RGS10: variants seen among roughly 807,000 people sequenced by gnomAD.
The protein encoded by RGS10 is regulator of G-protein signalling 10.
RGS10 carries 11 observed loss-of-function variants against 23.5 expected under a neutral mutation model. The observed-to-expected ratio is 0.47, with a 90% confidence interval of 0.29 to 0.77. The LOEUF (loss-of-function observed/expected upper bound fraction) is 0.77. Ranked by LOEUF, RGS10 falls within the 30% of genes least tolerant of loss-of-function variation. RGS10 has a pLI of 0.08. For synonymous variants in RGS10, 77 were observed against 83.2 expected, an observed-to-expected ratio of 0.92 and a Z score of 0.41; for missense variants, 180 against 226.3, an observed-to-expected ratio of 0.80 and a Z score of 1.31.
intron 4 of RGS10, 185 bp downstream of exon 4, chr10:119,515,324 C>T: frequency 1.5e-6 from 1 of 670,256 alleles, no homozygotes; most frequent in Non-Finnish European, 2.5e-6. Flanking sequence ...TCCTGTGGGG[C>T]AAATCTCAAG....
intron 1 of RGS10, among the ~76,000 whole-genome samples, chr10:119,542,383 C>T (rs1166543277): frequency 1.3e-5 from 2 of 152,268 alleles, no homozygotes; most frequent in Non-Finnish European, 2.9e-5. Flanking sequence ...AAACTTCCTC[C>T]CCGGGGCTCC....
At chr10:119,529,075 G>A (rs1844307819) in intron 1 of RGS10, among the ~76,000 whole-genome samples, 1 of 152,124 alleles carries the variant, frequency 6.6e-6, no homozygotes, top group Non-Finnish European at 1.5e-5. Context: ...AACAATTAAA[G>A]CATGCTTCAT....
chr10:119,532,762 AC>A lies in RGS10; in HGVS notation c.50-5339del, dbSNP rs749567458. Among the ~76,000 whole-genome samples the A allele has an allele frequency of 2.9e-4, 44 of 152,062 alleles. 1 individual carries two copies. Among genetic ancestry groups the A allele is most frequent in the Admixed American group, 6.5e-4 (10 of 15,274 alleles). Reference sequence around the variant, plus strand: ...AGGCTGAGGCAGGAGAATTACTTGAACCCAGGAGGTGGAGGTTGCAGTGAGC... The same window carrying A: ...AGGCTGAGGCAGGAGAATTACTTGAACCAGGAGGTGGAGGTTGCAGTGAGC... On this transcript the variant is annotated intron_variant, in intron 1 of 4. Coordinates refer to ENST00000369103, the MANE Select transcript of RGS10 (RefSeq NM_001005339.2).
chr10:119,536,428 CT>C, intron 1 of RGS10: 1 of 1,606,002 alleles, frequency 6.2e-7, no homozygotes, highest in Non-Finnish European at 8.5e-7. Flanking sequence ...GACAGGCAAA[CT>C]GCGGACATGG....
chr10:119,503,650 G>A (rs954566105), intron 4 of RGS10, among the ~76,000 whole-genome samples: 33 of 152,192 alleles, frequency 2.2e-4, no homozygotes, highest in Non-Finnish European at 1.5e-4. Flanking sequence ...AGGAAGAAAC[G>A]AGGGGCTTAG....
At chr10:119,526,200 G>C in intron 2 of RGS10, 82 bp from the exon 3 acceptor site, 3 of 730,444 alleles carry the variant, frequency 4.1e-6, no homozygotes, top group Non-Finnish European at 6.5e-6. Context: ...TTCAAAGACT[G>C]ATTTGGCAAA....
chr10:119,529,400 G>A (rs554463137), intron 1 of RGS10, among the ~76,000 whole-genome samples: 2 of 152,296 alleles, frequency 1.3e-5, no homozygotes, highest in South Asian at 4.1e-4. Flanking sequence ...GTTGCAGTGA[G>A]CCAAGATCGT....
At position 119,515,564 on chromosome 10, in the gene RGS10, T is replaced by A. The variant is rs750013036; in HGVS notation, c.344A>T (p.Asn115Ile). ...QVNVEGQSRLNEKILEEPHPL... is the reference protein window; with the variant it reads ...QVNVEGQSRLIEKILEEPHPL... ...GTGCGGTTCTTCCAGGATCTTCTCG[T>A]TGAGCCGAGACTGCCCCTCCACGTT... is the stretch of plus-strand genomic sequence containing the variant. The change falls in exon 4 of 5, where the codon AAC (asparagine) becomes ATC (isoleucine). Residue 115 changes from asparagine to isoleucine, a missense_variant. By Grantham distance (149) the Asn-to-Ile change is moderately radical. Coordinates refer to ENST00000369103, the MANE Select transcript of RGS10 (RefSeq NM_001005339.2). 1 of 1,614,212 alleles carries A rather than the reference T, an allele frequency of 6.2e-7. No homozygotes were observed. The highest frequency in any genetic ancestry group is 1.3e-5 in the African/African-American group (1 of 75,058).
At chr10:119,526,559 T>C (rs1844275324) in intron 2 of RGS10, among the ~76,000 whole-genome samples, 1 of 152,180 alleles carries the variant, frequency 6.6e-6, no homozygotes, top group African/African-American at 2.4e-5. Context: ...TATGTGTGTT[T>C]TCTTATGGCC....
chr10:119,507,434 TCTTA>T (rs1400805782), intron 4 of RGS10, among the ~76,000 whole-genome samples: 1 of 152,034 alleles, frequency 6.6e-6, no homozygotes, highest in Non-Finnish European at 1.5e-5. Flanking sequence ...GGCCCACCCC[TCTTA>T]CTTACGTTGA....
chr10:119,525,737 A>G (rs1290104871), intron 3 of RGS10, among the ~76,000 whole-genome samples: 2 of 152,220 alleles, frequency 1.3e-5, no homozygotes, highest in African/African-American at 4.8e-5. Context: ...TGTGGGGAAA[A>G]CATCCTCATA....
At chr10:119,514,226 G>A (rs1844114183) in intron 4 of RGS10, among the ~76,000 whole-genome samples, 1 of 152,238 alleles carries the variant, frequency 6.6e-6, no homozygotes, top group East Asian at 1.9e-4. Flanking sequence ...GCGTGGTGGT[G>A]TAGGCCTGTA....
At chr10:119,504,087 A>T in intron 4 of RGS10, among the ~76,000 whole-genome samples, 1 of 152,264 alleles carries the variant, frequency 6.6e-6, no homozygotes, top group East Asian at 1.9e-4. Context: ...GGCTGCAAAG[A>T]GAGTAACATG....
intron 1 of RGS10, among the ~76,000 whole-genome samples, chr10:119,534,590 CA>C (rs561361616): frequency 0.33 from 23,901 of 72,232 alleles, 2,093 homozygotes; most frequent in East Asian, 0.53. Context: ...GACTCTGTCT[CA>C]AAAAAAAAAA....
chr10:119,536,289 C>T (rs779138306), intron 1 of RGS10, among the ~76,000 whole-genome samples: 4 of 152,340 alleles, frequency 2.6e-5, no homozygotes, highest in South Asian at 2.1e-4. Flanking sequence ...GGCATCGTGG[C>T]GTTTTCACAC....
chr10:119,520,518 G>A (rs1259704282), intron 3 of RGS10, among the ~76,000 whole-genome samples: 1 of 152,136 alleles, frequency 6.6e-6, no homozygotes, highest in Non-Finnish European at 1.5e-5. Flanking sequence ...CAGAAGAGTT[G>A]AGTTTTCTTA....
intron 1 of RGS10, among the ~76,000 whole-genome samples, chr10:119,536,065 A>G (rs1844384622): frequency 6.6e-6 from 1 of 152,214 alleles, no homozygotes; most frequent in Admixed American, 6.5e-5. Context: ...TGGTATCTAA[A>G]TATTACTTAA....
At chr10:119,507,324 C>A (rs898955969) in intron 4 of RGS10, among the ~76,000 whole-genome samples, 1 of 152,152 alleles carries the variant, frequency 6.6e-6, no homozygotes, top group East Asian at 1.9e-4. Flanking sequence ...AGGCCAAGGT[C>A]CTGTTTGGAG....
chr10:119,532,659 G>GTGAA (rs1844343322), intron 1 of RGS10, among the ~76,000 whole-genome samples: 2 of 152,276 alleles, frequency 1.3e-5, no homozygotes, highest in African/African-American at 4.8e-5. Context: ...GGCCAACATG[G>GTGAA]TGAAACCCTG....
Sources: allele counts gnomAD v4.1 joint callset (sites outside exome capture counted in the v4.1 genomes callset), GRCh38; gene constraint gnomAD v4.1.1; transcripts MANE v1.5; gene names NCBI Gene and HGNC (gene_info 2026-07-23, HGNC 2026-07-21).